Variants in MYLK observed in about 807,000 individuals in gnomAD.
The protein encoded by MYLK is myosin light chain kinase, smooth muscle.
A neutral mutation model predicts 203.4 loss-of-function variants in MYLK; 106 were observed. That is an observed-to-expected ratio of 0.52 (90% CI 0.45 to 0.61). The LOEUF is 0.61. Ranked by LOEUF, MYLK falls within the 20% of genes least tolerant of loss-of-function variation. The pLI is 0.00. For synonymous variants in MYLK, 867 were observed against 959.5 expected (o/e 0.90, Z 1.78); for missense variants, 2,072 against 2,442.3 (o/e 0.85, Z 3.20).
chr3:123,831,474 C>A, intron 3 of MYLK, 74 bp downstream of exon 3: 1 of 1,277,052 alleles, frequency 7.8e-7, no homozygotes, highest in Non-Finnish European at 1.0e-6. Flanking sequence ...ACACACAGCT[C>A]CCCTCTCTGC....
chr3:123,732,825 G>A (rs2062528209), intron 11 of MYLK, 71 bp downstream of exon 11: 1 of 1,457,522 alleles, frequency 6.9e-7, no homozygotes, highest in Non-Finnish European at 9.6e-7. Context: ...TGAACCATCT[G>A]CAGAAGGTGA....
In MYLK at chr3:123,664,172, G is replaced by A. The variant is rs1170042892; in HGVS notation, c.3918C>T (p.Gly1306=). The change falls in exon 23 of 34, where the codon GGC becomes GGT. Residue 1306 remains glycine, a synonymous_variant. Coordinates refer to ENST00000360304, the MANE Select transcript of MYLK (RefSeq NM_053025.4). ...TGTTCTCCACCAGCAGTGTGTAGCA[G>A]CCGCAGTGCTCCTGGCGCGCGGCCA... ...TILAARQEHC[G]CYTLLVENKL... 1.9e-6 allele frequency: 3 copies of A among 1,614,048 alleles called. No homozygotes were observed. The highest frequency in any genetic ancestry group is 1.7e-5 in the Admixed American group (1 of 60,014).
chr3:123,637,911 G>A (rs1354843316), intron 29 of MYLK, among the ~76,000 whole-genome samples, 160 bp downstream of exon 29: 1 of 152,114 alleles, frequency 6.6e-6, no homozygotes, highest in Non-Finnish European at 1.5e-5. Flanking sequence ...AGGGTGGGCT[G>A]CCAGGGATAG....
intron 3 of MYLK, among the ~76,000 whole-genome samples, chr3:123,825,758 G>T (rs1486666305): frequency 1.3e-5 from 2 of 152,178 alleles, no homozygotes; most frequent in Non-Finnish European, 2.9e-5. Context: ...AACCCCAGTT[G>T]CATGGGCCCA....
chr3:123,677,884 AATATATATATAT>A lies in MYLK; in HGVS notation c.3652+4328_3652+4339del, dbSNP rs3085284. ...CTCTATCTAAATGAATAAATAAATGAATATATATATATATATATATATATATATATATATACA... is the reference window on the plus strand; with the variant it reads ...CTCTATCTAAATGAATAAATAAATGAATATATATATATATATATATATACA... On this transcript the variant is annotated intron_variant, in intron 20 of 33. Transcript: ENST00000360304. Among the ~76,000 whole-genome samples, 116 of 53,584 alleles carry A rather than the reference AATATATATATAT, an allele frequency of 2.2e-3. 1 individual carries two copies. The highest frequency in any genetic ancestry group is 0.011 in the East Asian group (4 of 378). The allele number at this position is 53,584 out of a possible 152,430, so 35.2% of individuals were successfully genotyped here.
chr3:123,695,006 G>A (rs375659244), intron 18 of MYLK, among the ~76,000 whole-genome samples: 236 of 152,346 alleles, frequency 1.5e-3, no homozygotes, highest in Non-Finnish European at 2.5e-3. Context: ...GCAGAGCTCC[G>A]CCTGGGAGAG....
intron 18 of MYLK, 76 bp from the exon 19 acceptor site, chr3:123,692,927 G>A: frequency 7.7e-7 from 1 of 1,291,692 alleles, no homozygotes; most frequent in Admixed American, 1.7e-5. Context: ...CAGCAGGTGA[G>A]TGTTACTCGC....
chr3:123,666,811 T>C, intron 21 of MYLK: 1 of 559,272 alleles, frequency 1.8e-6, no homozygotes, highest in Non-Finnish European at 3.2e-6. Context: ...GAGGGTCATG[T>C]ACACAAGGGT....
intron 33 of MYLK, 106 bp downstream of exon 33, chr3:123,618,533 T>G: frequency 6.6e-7 from 1 of 1,511,892 alleles, no homozygotes; most frequent in Non-Finnish European, 9.1e-7. Flanking sequence ...AGTTCCTCAT[T>G]GTCCCCAGCT....
intron 14 of MYLK, 46 bp from the exon 15 acceptor site, chr3:123,708,941 C>G: frequency 6.4e-7 from 1 of 1,561,932 alleles, no homozygotes. Flanking sequence ...GAGGTCCTCC[C>G]CGGCCATGCA....
At chr3:123,713,847 C>T (rs983528176) in intron 13 of MYLK, among the ~76,000 whole-genome samples, 3 of 152,162 alleles carry the variant, frequency 2.0e-5, no homozygotes, top group African/African-American at 4.8e-5. Context: ...CAACATAATA[C>T]TGAGAAGTAT....
intron 12 of MYLK, among the ~76,000 whole-genome samples, chr3:123,724,672 C>G (rs2605420): frequency 6.6e-6 from 1 of 152,078 alleles, no homozygotes; most frequent in Non-Finnish European, 1.5e-5. Context: ...ACATCAATGA[C>G]GCAGACACAA....
At position 123,736,011 on chromosome 3, in the gene MYLK, AT is replaced by A. The variant is rs528466719; in HGVS notation, c.755-596del. ...TTTTAAAACAAATATCAGGCAACAT[AT>A]TTTGTCATGAAGTCCATCAGGAGGG... On this transcript the variant is annotated intron_variant, in intron 8 of 33. Coordinates refer to ENST00000360304, the MANE Select transcript of MYLK (RefSeq NM_053025.4). Among the ~76,000 whole-genome samples the A allele has an allele frequency of 9.2e-5, 14 of 152,186 alleles. No homozygotes were observed. In the South Asian group the frequency reaches 2.9e-3, roughly 32 times the overall value.
rs529884868 is a variant in MYLK, at chr3:123,647,534, T to G, written c.4416-107A>C. ...GGGACAGATCTGGCCCACCTCCTTT[T>G]ATAAGTAAGGTGTTACTGGAGCACA... On this transcript the variant is annotated intron_variant, in intron 26 of 33. Transcript: ENST00000360304. 2.2e-5 allele frequency: 21 copies of G among 939,040 alleles called. No individual in the cohort carries two copies. The African/African-American group carries it at 2.4e-4, about 11-fold the overall frequency. The allele number at this position is 939,040 out of a possible 1,614,324, so 58.2% of individuals were successfully genotyped here. A position where few individuals can be genotyped will look rare whatever the true frequency, so the allele number is the denominator to read the frequency against.
chr3:123,613,318 A>C lies in MYLK; in HGVS notation c.*787T>G, dbSNP rs994317138. 6.7e-6 allele frequency: 1 copy of C among 148,206 alleles called. No individual in the cohort carries two copies. Among genetic ancestry groups the C allele is most frequent in the East Asian group, 2.0e-4 (1 of 5,050 alleles). The allele number at this position is 148,206 out of a possible 1,614,324, so 9.2% of individuals were successfully genotyped here. ...GCACAAATAAGAATCCTGGTTTACA[A>C]AGGAAACCACATTAGCAAGGATTTT... On this transcript the variant is annotated 3_prime_UTR_variant, in exon 34 of 34. Transcript: ENST00000360304.
intron 2 of MYLK, among the ~76,000 whole-genome samples, chr3:123,859,622 T>C (rs894336966): frequency 6.6e-6 from 1 of 152,260 alleles, no homozygotes; most frequent in African/African-American, 2.4e-5. Context: ...TTAAAAGAAC[T>C]GTCCATATAC....
intron 3 of MYLK, among the ~76,000 whole-genome samples, chr3:123,820,702 C>T (rs182478841): frequency 2.1e-4 from 32 of 151,066 alleles, no homozygotes; most frequent in African/African-American, 7.5e-4. Context: ...TTCCTTCCTT[C>T]CTTCCTTCTT....
intron 3 of MYLK, among the ~76,000 whole-genome samples, chr3:123,813,646 G>T (rs2065639248): frequency 6.6e-6 from 1 of 152,098 alleles, no homozygotes; most frequent in South Asian, 2.1e-4. Flanking sequence ...GAGTTGCTGG[G>T]ATTACAGACA....
At position 123,752,516 on chromosome 3, in the gene MYLK, T is replaced by C. The variant is rs778259023; in HGVS notation, c.188A>G (p.Gln63Arg). 1.5e-5 allele frequency: 25 copies of C among 1,613,760 alleles called. No individual in the cohort carries two copies. The highest frequency in any genetic ancestry group is 1.5e-4 in the South Asian group (14 of 91,064). Residue 63 changes from glutamine to arginine, a missense_variant, in exon 5 of 34, where the codon CAG becomes CGG. Gln to Arg is a conservative substitution (Grantham distance 43). Transcript: ENST00000360304. ...TTGCCCGTTTCTGTGCCATGTCACC[T>C]GGGGCTCTGGGTAACCCCGGACCTT... ...EGRVRGYPEPQVTWHRNGQPI... is the reference protein window; with the variant it reads ...EGRVRGYPEPRVTWHRNGQPI...
Sources: gnomAD v4.1 joint callset for allele counts (sites outside exome capture counted in the v4.1 genomes callset) on GRCh38, gnomAD v4.1.1 for gene constraint, MANE v1.5 for transcripts, NCBI Gene and HGNC (gene_info 2026-07-23, HGNC 2026-07-21) for gene names.